The following PPP2R3C variants were observed in gnomAD, a reference collection of about 807,000 sequenced individuals.
PPP2R3C encodes the protein serine/threonine-protein phosphatase 2A regulatory subunit B'' subunit gamma.
A neutral mutation model predicts 63.7 loss-of-function variants in PPP2R3C; 47 were observed. The observed-to-expected ratio is 0.74, with a 90% CI of 0.58 to 0.94. The LOEUF (loss-of-function observed/expected upper bound fraction) is 0.94. Among genes scored for constraint, PPP2R3C ranks in the 40% least tolerant of loss-of-function variants. The pLI is 0.00. For missense variants in PPP2R3C, 421 were observed against 518.4 expected, an observed-to-expected ratio of 0.81 and a Z score of 1.82; for synonymous variants, 180 against 177.4, an observed-to-expected ratio of 1.01 and a Z score of -0.12.
chr14:35,108,265 A>G, intron 4 of PPP2R3C, 29 bp from the exon 5 acceptor site: 1 of 1,542,234 alleles, frequency 6.5e-7, no homozygotes. Context: ...GATTTAAATG[A>G]TCTGCCAACA....
intron 1 of PPP2R3C, among the ~76,000 whole-genome samples, chr14:35,117,772 G>A (rs1416547514): frequency 6.6e-6 from 1 of 151,928 alleles, no homozygotes. Flanking sequence ...TCGGGTCACG[G>A]CAACCTCCGC....
In PPP2R3C at chr14:35,116,534, T is replaced by C. The variant is rs557906285; in HGVS notation, c.186+76A>G. 4.1e-3 allele frequency: 5,077 copies of C among 1,238,856 alleles called. 28 individuals carry two copies. Among genetic ancestry groups the C allele is most frequent in the Non-Finnish European group, 4.7e-3 (4,371 of 925,706 alleles). 76.7% of individuals were successfully genotyped at this position (1,238,856 alleles called of 1,614,324 possible). ...CCTCCCAAAGTGTTGGGATTACAGGTATGAGCCACCCTGCCTTGCCAAAAA... is the reference window on the plus strand; with the variant it reads ...CCTCCCAAAGTGTTGGGATTACAGGCATGAGCCACCCTGCCTTGCCAAAAA... On this transcript the variant is annotated intron_variant, in intron 2 of 12. Coordinates refer to ENST00000261475, the MANE Select transcript of PPP2R3C (RefSeq NM_017917.4).
At chr14:35,090,563 T>A (rs1249669092) in intron 11 of PPP2R3C, among the ~76,000 whole-genome samples, 2 of 151,494 alleles carry the variant, frequency 1.3e-5, no homozygotes, top group African/African-American at 2.4e-5. Flanking sequence ...ACTAAATATT[T>A]AATTTAAACC....
Position 35,097,426 on chromosome 14 carries a change from T to C in PPP2R3C, c.707-662A>G, listed in dbSNP as rs137999667. The stretch of plus-strand genomic sequence containing the variant: ...TGGCAGGTTCTGGACTAGAAAGCAA[T>C]ACGCAGGTAAACAGGTGTGGTTTAA... On this transcript the variant is annotated intron_variant, in intron 7 of 12. Transcript: ENST00000261475. 4.1e-4 allele frequency among the ~76,000 whole-genome samples: 63 copies of C among 152,074 alleles called. No homozygotes were observed. In the East Asian group the frequency reaches 0.011, roughly 28 times the overall value.
At chr14:35,098,681 C>T (rs184195076) in intron 7 of PPP2R3C, 1 of 152,434 alleles carries the variant, frequency 6.6e-6, no homozygotes, top group African/African-American at 2.4e-5. Flanking sequence ...GAAGGACAAT[C>T]AGGCACTTTG....
intron 6 of PPP2R3C, among the ~76,000 whole-genome samples, chr14:35,104,437 A>T (rs2046286121): frequency 6.6e-6 from 1 of 152,186 alleles, no homozygotes; most frequent in African/African-American, 2.4e-5. Context: ...TATCTGAATA[A>T]TTATTTGATT....
At chr14:35,089,569 G>T (rs113006489) in intron 11 of PPP2R3C, among the ~76,000 whole-genome samples, 1 of 152,118 alleles carries the variant, frequency 6.6e-6, no homozygotes, top group African/African-American at 2.4e-5. Flanking sequence ...GCCCAGGCTG[G>T]TCTCAAACTC....
intron 10 of PPP2R3C, 64 bp downstream of exon 10, chr14:35,094,984 A>G (rs1204331489): frequency 6.6e-7 from 1 of 1,509,844 alleles, no homozygotes; most frequent in African/African-American, 1.4e-5. Context: ...ACATCAAGAA[A>G]AGGGTTTGTG....
chr14:35,101,559 G>T (rs1180827039), intron 6 of PPP2R3C: 1 of 152,116 alleles, frequency 6.6e-6, no homozygotes. Context: ...GAAACTTTTA[G>T]GGATTTCTTT....
intron 2 of PPP2R3C, among the ~76,000 whole-genome samples, chr14:35,115,324 G>A (rs982869972): frequency 6.6e-6 from 1 of 151,474 alleles, no homozygotes; most frequent in Non-Finnish European, 1.5e-5. Context: ...CACCATGCCC[G>A]GCTAAGTTTT....
upstream of PPP2R3C, chr14:35,122,165 G>GA (rs1044537233): frequency 1.9e-5 from 11 of 576,230 alleles, no homozygotes; most frequent in South Asian, 8.3e-5. Context: ...CTGACTGGGG[G>GA]AAAAAACTAT....
intron 1 of PPP2R3C, among the ~76,000 whole-genome samples, chr14:35,120,388 G>T (rs942991263): frequency 6.6e-6 from 1 of 151,762 alleles, no homozygotes. Flanking sequence ...GGGACTATAG[G>T]CGCCCGCCAC....
chr14:35,093,134 A>G (rs2045880229), intron 10 of PPP2R3C, among the ~76,000 whole-genome samples: 1 of 152,036 alleles, frequency 6.6e-6, no homozygotes, highest in South Asian at 2.1e-4. Flanking sequence ...AATGGCGTCA[A>G]CCCGGGAGGC....
chr14:35,120,861 C>T (rs2046858415), intron 1 of PPP2R3C, among the ~76,000 whole-genome samples: 1 of 151,994 alleles, frequency 6.6e-6, no homozygotes, highest in African/African-American at 2.4e-5. Flanking sequence ...TGGGAAGATC[C>T]CTTGAGCCCA....
rs765782177 is a variant in PPP2R3C, at chr14:35,099,311, G to C, written c.647C>G (p.Ser216Cys). Reference sequence around the variant, plus strand: ...CCTAACTGCTGTACAAACATAAAAGGAGTAGAAAGATTTTTCCAGACCATC... The same window carrying C: ...CCTAACTGCTGTACAAACATAAAAGCAGTAGAAAGATTTTTCCAGACCATC... ...QLDGLEKSFY[S>C]FYVCTAVRKF... Residue 216 changes from serine (S) to cysteine (C), a missense_variant, in exon 7 of 13, where the codon TCC becomes TGC. Transcript: ENST00000261475. 1.9e-6 allele frequency: 3 copies of C among 1,604,424 alleles called. No homozygotes were observed. The Admixed American group carries it at 5.3e-5, about 28-fold the overall frequency.
In PPP2R3C at chr14:35,121,905, T is replaced by G; in HGVS notation, c.55A>C (p.Asn19His). ...GGCTGCCCCTCCCAAAACTCACTGT[T>G]TGGACAGGTGTTGGGCGTCGCTAGG... ...RRLATPNTCP[N>H]KKKSEQELKD... Residue 19 changes from asparagine (N) to histidine (H), a missense_variant, in exon 1 of 13, where the codon AAC becomes CAC. Coordinates refer to ENST00000261475, the MANE Select transcript of PPP2R3C (RefSeq NM_017917.4). The G allele has an allele frequency of 6.2e-7, 1 of 1,614,004 alleles. No individual in the cohort carries two copies. Among genetic ancestry groups the G allele is most frequent in the Non-Finnish European group, 8.5e-7 (1 of 1,179,860 alleles).
intron 6 of PPP2R3C, among the ~76,000 whole-genome samples, chr14:35,105,887 GGTTGGAGT>G (rs2046338286): frequency 6.6e-6 from 1 of 151,896 alleles, no homozygotes. Flanking sequence ...CTTTCGCCCA[GGTTGGAGT>G]GCAGTGGCGT....
At chr14:35,109,547 C>T (rs556729098) in intron 4 of PPP2R3C, among the ~76,000 whole-genome samples, 145 of 152,102 alleles carry the variant, frequency 9.5e-4, no homozygotes, top group African/African-American at 3.4e-3. Flanking sequence ...GGCTTAATCA[C>T]AGCTCATCCT....
rs974890725 is a variant in PPP2R3C, at chr14:35,109,903, T to C, written c.320A>G (p.Gln107Arg). ...TTCCTCTCCAATCATAGGTGGTGTC[T>C]GGTGTTTGTCCAGCAAAAACCATAA... ...QNLWFLLDKHQTPPMIGEEAM... is the reference protein window; with the variant it reads ...QNLWFLLDKHRTPPMIGEEAM... Residue 107 changes from glutamine (Q) to arginine (R), a missense_variant, in exon 4 of 13, where the codon CAG becomes CGG. Around this residue, in one of 3 missense-constraint regions of PPP2R3C, gnomAD observed 143 missense variants for 151.2 expected, o/e 0.95. Coordinates refer to ENST00000261475, the MANE Select transcript of PPP2R3C (RefSeq NM_017917.4). 5 of 1,610,284 alleles carry C rather than the reference T, an allele frequency of 3.1e-6. No individual in the cohort carries two copies. The African/African-American group carries it at 4.0e-5, about 13-fold the overall frequency.
Sources: gnomAD v4.1 joint callset for allele counts (sites outside exome capture counted in the v4.1 genomes callset) on GRCh38, gnomAD v4.1.1 for gene constraint, gnomAD v4.1.1 regional missense constraint, MANE v1.5 for transcripts, NCBI Gene and HGNC (gene_info 2026-07-23, HGNC 2026-07-21) for gene names.